Variants in TLL2 observed in about 807,000 individuals in gnomAD.
TLL2 encodes the protein tolloid-like protein 2.
TLL2 carries 106 observed loss-of-function variants against 123.0 expected under a neutral mutation model. The observed-to-expected ratio is 0.86, with a 90% CI of 0.74 to 1.01. The LOEUF is 1.01. TLL2 is among the 50% of genes least tolerant of loss of function. The probability of loss-of-function intolerance (pLI) is 0.00; values close to 1 mark genes in which losing one functional copy is unlikely to be tolerated. For synonymous variants in TLL2, 494 were observed against 516.8 expected (o/e 0.96, Z 0.60); for missense variants, 1,332 against 1,336.7 (o/e 1.00, Z 0.06).
intron 2 of TLL2, among the ~76,000 whole-genome samples, chr10:96,459,694 AAAAAAAAAAAAAT>A (rs1847056160): frequency 1.4e-5 from 1 of 72,890 alleles, no homozygotes; most frequent in African/African-American, 5.3e-5. Flanking sequence ...AAAAAAAAAA[AAAAAAAAAAAAAT>A]ATATATATAT....
chr10:96,384,729 C>A lies in TLL2; in HGVS notation c.2052G>T (p.Leu684=). Residue 684 remains leucine, a synonymous_variant, in exon 16 of 21, where the codon CTG becomes CTT. Transcript: ENST00000357947. ...KYDFVEVRSG[L]SPDAKLHGRF... is the part of the protein sequence containing the mutation. ...TGCCGTGCAGCTTGGCGTCGGGGGACAGGCCGCTGCGCACCTCTACAAAGT... is the reference window on the plus strand; with the variant it reads ...TGCCGTGCAGCTTGGCGTCGGGGGAAAGGCCGCTGCGCACCTCTACAAAGT... 6.2e-7 allele frequency: 1 copy of A among 1,609,360 alleles called. No homozygotes were observed. The highest frequency in any genetic ancestry group is 1.7e-4 in the Middle Eastern group (1 of 6,048).
At chr10:96,479,879 G>A (rs1291557460) in intron 2 of TLL2, among the ~76,000 whole-genome samples, 1 of 152,130 alleles carries the variant, frequency 6.6e-6, no homozygotes, top group African/African-American at 2.4e-5. Context: ...CACCTGAAGA[G>A]CCCTTTTTTC....
chr10:96,483,351 C>G (rs1270767603), intron 1 of TLL2, among the ~76,000 whole-genome samples: 1 of 152,184 alleles, frequency 6.6e-6, no homozygotes, highest in Non-Finnish European at 1.5e-5. Flanking sequence ...GAGGTGGCAT[C>G]AGGGCCTCAT....
intron 7 of TLL2, 80 bp downstream of exon 7, chr10:96,420,876 T>G (rs898262876): frequency 4.0e-6 from 5 of 1,255,676 alleles, no homozygotes; most frequent in Middle Eastern, 1.9e-4. Flanking sequence ...AGACCCACTC[T>G]CCGCAGACCT....
chr10:96,446,459 T>A (rs1846897968), intron 2 of TLL2, among the ~76,000 whole-genome samples: 1 of 151,960 alleles, frequency 6.6e-6, no homozygotes, highest in Non-Finnish European at 1.5e-5. Flanking sequence ...ATTTACAAAG[T>A]TACCAGGCAA....
intron 10 of TLL2, among the ~76,000 whole-genome samples, chr10:96,402,702 C>A (rs1846407904): frequency 6.6e-6 from 1 of 152,180 alleles, no homozygotes; most frequent in South Asian, 2.1e-4. Flanking sequence ...GCTTGTCTAC[C>A]TGGACAGCTG....
At chr10:96,407,653 A>T (rs898731056) in intron 9 of TLL2, among the ~76,000 whole-genome samples, 1 of 152,214 alleles carries the variant, frequency 6.6e-6, no homozygotes, top group Non-Finnish European at 1.5e-5. Flanking sequence ...CAAGCTGCCC[A>T]TCTTGATTAG....
chr10:96,432,736 TAGA>T (rs1846757337), intron 4 of TLL2, 68 bp downstream of exon 4: 1 of 1,558,132 alleles, frequency 6.4e-7, no homozygotes, highest in South Asian at 1.2e-5. Context: ...GGGTCCTTCC[TAGA>T]AGGACTCTCT....
chr10:96,476,889 C>G (rs984691081), intron 2 of TLL2, among the ~76,000 whole-genome samples: 2 of 147,132 alleles, frequency 1.4e-5, no homozygotes, highest in Non-Finnish European at 3.0e-5. Context: ...CACACACACA[C>G]ACACACACGC....
At chr10:96,409,300 A>G (rs1294598527) in intron 9 of TLL2, among the ~76,000 whole-genome samples, 3 of 152,188 alleles carry the variant, frequency 2.0e-5, no homozygotes, top group Non-Finnish European at 2.9e-5. Context: ...AAGATTTAGA[A>G]GGGGGTCAAA....
At chr10:96,460,280 G>T (rs1847068042) in intron 2 of TLL2, among the ~76,000 whole-genome samples, 1 of 152,198 alleles carries the variant, frequency 6.6e-6, no homozygotes, top group African/African-American at 2.4e-5. Flanking sequence ...CTTCACAGAA[G>T]AAATTCTAAT....
intron 17 of TLL2, among the ~76,000 whole-genome samples, chr10:96,377,232 G>A (rs998432432): frequency 2.6e-5 from 4 of 152,194 alleles, no homozygotes; most frequent in African/African-American, 9.7e-5. Flanking sequence ...ATATGTGATC[G>A]AATGAGATAA....
intron 1 of TLL2, among the ~76,000 whole-genome samples, chr10:96,482,206 C>T (rs1400640609): frequency 1.7e-4 from 25 of 150,808 alleles, no homozygotes; most frequent in African/African-American, 5.4e-4. Flanking sequence ...TGCAGTGAGC[C>T]GAGATCGCGC....
At chr10:96,446,283 C>A (rs773024197) in intron 2 of TLL2, 115 bp from the exon 3 acceptor site, 1 of 922,308 alleles carries the variant, frequency 1.1e-6, no homozygotes, top group East Asian at 2.5e-5. Flanking sequence ...ACCACGGATT[C>A]GTAAGCTTCG....
At chr10:96,507,028 T>A (rs1847585945) in intron 1 of TLL2, among the ~76,000 whole-genome samples, 1 of 152,106 alleles carries the variant, frequency 6.6e-6, no homozygotes, top group Non-Finnish European at 1.5e-5. Context: ...CTGGGGGCTG[T>A]GCTGAGGGTC....
chr10:96,385,985 C>T, intron 15 of TLL2, 70 bp downstream of exon 15: 1 of 1,423,830 alleles, frequency 7.0e-7, no homozygotes, highest in Non-Finnish European at 9.3e-7. Context: ...CCCTCCCAGC[C>T]CCTCACTGGT....
chr10:96,448,131 C>T (rs1458899648), intron 2 of TLL2, among the ~76,000 whole-genome samples: 1 of 152,214 alleles, frequency 6.6e-6, no homozygotes, highest in East Asian at 1.9e-4. Context: ...GAAGGTCCCA[C>T]TACAGCCAGG....
intron 7 of TLL2, 48 bp downstream of exon 7, chr10:96,420,908 G>C (rs778328921): frequency 1.3e-6 from 2 of 1,565,928 alleles, no homozygotes; most frequent in South Asian, 2.2e-5. Flanking sequence ...ACCCAAGCCT[G>C]CCGCAGGCAC....
At position 96,502,030 on chromosome 10, in the gene TLL2, G is replaced by A. The variant is rs148166939; in HGVS notation, c.175+11481C>T. Among the ~76,000 whole-genome samples, 218 of 152,308 alleles carry A rather than the reference G, an allele frequency of 1.4e-3. 1 individual carries two copies. Among genetic ancestry groups the A allele is most frequent in the South Asian group, 3.5e-3 (17 of 4,824 alleles). On this transcript the variant is annotated intron_variant, in intron 1 of 20. Coordinates refer to ENST00000357947, the MANE Select transcript of TLL2 (RefSeq NM_012465.4). ...GAGTGCTTTTCAGAAAAACAAAGGC[G>A]ATGAGAAACTTGAAAGGGGACCTGA... is the stretch of plus-strand genomic sequence containing the variant.
Sources: gnomAD v4.1 joint callset for allele counts (sites outside exome capture counted in the v4.1 genomes callset) on GRCh38, gnomAD v4.1.1 for gene constraint, MANE v1.5 for transcripts, NCBI Gene and HGNC (gene_info 2026-07-23, HGNC 2026-07-21) for gene names.